The following CLPB variants were observed in gnomAD, a reference collection of about 807,000 sequenced individuals.
CLPB encodes ClpB family mitochondrial disaggregase, also known as mitochondrial disaggregase.
CLPB carries 40 observed loss-of-function variants against 78.4 expected under a neutral mutation model. The observed-to-expected ratio is 0.51, with a 90% CI of 0.40 to 0.66. CLPB has a LOEUF of 0.66. Ranked by LOEUF, CLPB falls within the 30% of genes least tolerant of loss-of-function variation. The pLI is 0.00. For missense variants in CLPB, 780 were observed against 886.9 expected (o/e 0.88, Z 1.53); for synonymous variants, 333 against 348.0 (o/e 0.96, Z 0.48).
At chr11:72,364,061 A>T (rs574808742) in intron 4 of CLPB, among the ~76,000 whole-genome samples, 1 of 152,166 alleles carries the variant, frequency 6.6e-6, no homozygotes, top group East Asian at 1.9e-4. Flanking sequence ...AGTTGTCTAC[A>T]ACCCACCAGA....
chr11:72,315,009 G>A (rs1223523215), intron 7 of CLPB, among the ~76,000 whole-genome samples: 1 of 152,172 alleles, frequency 6.6e-6, no homozygotes, highest in African/African-American at 2.4e-5. Flanking sequence ...CTAGGGGAAG[G>A]AAGGGAGGCA....
chr11:72,410,648 A>G (rs1276496508), intron 2 of CLPB: 1 of 152,228 alleles, frequency 6.6e-6, no homozygotes, highest in Non-Finnish European at 1.5e-5. Flanking sequence ...AGGATAGATA[A>G]ATGAACTGTC....
At chr11:72,383,398 G>C (rs1175425994) in intron 3 of CLPB, among the ~76,000 whole-genome samples, 1 of 151,650 alleles carries the variant, frequency 6.6e-6, no homozygotes, top group Non-Finnish European at 1.5e-5. Flanking sequence ...AGGCGTGGTG[G>C]CGGGCGCCTG....
intron 5 of CLPB, among the ~76,000 whole-genome samples, chr11:72,341,365 G>A (rs1269283467): frequency 3.3e-5 from 5 of 152,164 alleles, no homozygotes; most frequent in Non-Finnish European, 7.3e-5. Context: ...GAGGAAGAGG[G>A]TGTGTAAGGA....
chr11:72,297,702 T>TGTGAGA (rs1464583884), intron 11 of CLPB, among the ~76,000 whole-genome samples: 17 of 129,754 alleles, frequency 1.3e-4, no homozygotes, highest in South Asian at 2.6e-4. Flanking sequence ...TGTGTGTGTG[T>TGTGAGA]GACATGTCCA....
At chr11:72,360,914 C>T (rs766444881) in intron 4 of CLPB, among the ~76,000 whole-genome samples, 1 of 152,192 alleles carries the variant, frequency 6.6e-6, no homozygotes, top group Non-Finnish European at 1.5e-5. Flanking sequence ...CCCACTGTTT[C>T]TCACATATCA....
rs572264196 is a variant in CLPB at position 72,356,336 on chromosome 11, T to C, written c.775+2544A>G. Among the ~76,000 whole-genome samples the C allele has an allele frequency of 2.0e-5, 3 of 151,090 alleles. No individual in the cohort carries two copies. In the South Asian group the frequency reaches 6.3e-4, roughly 32 times the overall value. Reference sequence around the variant, plus strand: ...GGCAGGAAGGTAGGCTCCCTTGCCTTTCCTGAAACCCTTTGGAGAGGGTCA... The same window carrying C: ...GGCAGGAAGGTAGGCTCCCTTGCCTCTCCTGAAACCCTTTGGAGAGGGTCA... On this transcript the variant is annotated intron_variant, in intron 5 of 15. Coordinates refer to ENST00000538039, the MANE Select transcript of CLPB (RefSeq NM_001258392.3).
intron 12 of CLPB, among the ~76,000 whole-genome samples, chr11:72,295,236 G>A (rs1949529166): frequency 6.6e-6 from 1 of 152,186 alleles, no homozygotes; most frequent in Non-Finnish European, 1.5e-5. Context: ...CCCCACCCTG[G>A]TGTAGCTCTG....
intron 3 of CLPB, among the ~76,000 whole-genome samples, chr11:72,401,220 A>G (rs541639256): frequency 2.6e-5 from 4 of 152,274 alleles, no homozygotes; most frequent in Non-Finnish European, 5.9e-5. Flanking sequence ...CGGGTGGATC[A>G]CAAGGTCAGG....
intron 5 of CLPB, among the ~76,000 whole-genome samples, chr11:72,352,092 T>C (rs545497039): frequency 8.2e-4 from 125 of 152,264 alleles, no homozygotes; most frequent in African/African-American, 2.9e-3. Context: ...TGCCACTGAT[T>C]AGTTTTCTCT....
At chr11:72,349,533 G>A (rs983746835) in intron 5 of CLPB, among the ~76,000 whole-genome samples, 2 of 152,136 alleles carry the variant, frequency 1.3e-5, no homozygotes, top group Non-Finnish European at 2.9e-5. Flanking sequence ...TGAATGCTAG[G>A]AGCAAACTCC....
intron 1 of CLPB, among the ~76,000 whole-genome samples, chr11:72,431,279 TG>T (rs1463013207): frequency 6.6e-6 from 1 of 152,198 alleles, no homozygotes; most frequent in African/African-American, 2.4e-5. Flanking sequence ...GTGCCCAGCC[TG>T]GTTCTGAGCT....
intron 2 of CLPB, among the ~76,000 whole-genome samples, chr11:72,407,651 T>A (rs1000766028): frequency 6.8e-6 from 1 of 147,266 alleles, no homozygotes; most frequent in African/African-American, 2.5e-5. Flanking sequence ...CACCTACTAT[T>A]TTTTTTTTTT....
intron 7 of CLPB, among the ~76,000 whole-genome samples, chr11:72,311,652 C>T (rs1176755999): frequency 6.6e-6 from 1 of 152,224 alleles, no homozygotes; most frequent in Non-Finnish European, 1.5e-5. Flanking sequence ...ACCCTGACTC[C>T]TTGGAAAACG....
In CLPB at chr11:72,426,631, G is replaced by A. The variant is rs537273944; in HGVS notation, c.455+3681C>T. ...AGCCAAGGGGAGTGTGAAAGCCTCT[G>A]GACTGCTTACTTCAGGTACACTGAA... On this transcript the variant is annotated intron_variant, in intron 2 of 15. Coordinates refer to ENST00000538039, the MANE Select transcript of CLPB (RefSeq NM_001258392.3). 3.3e-5 allele frequency among the ~76,000 whole-genome samples: 5 copies of A among 152,252 alleles called. No individual in the cohort carries two copies. In the South Asian group the frequency reaches 8.3e-4, roughly 25 times the overall value.
chr11:72,299,465 T>C (rs1590760995), intron 11 of CLPB, among the ~76,000 whole-genome samples: 1 of 152,174 alleles, frequency 6.6e-6, no homozygotes, highest in East Asian at 1.9e-4. Flanking sequence ...ACTCTGTCCT[T>C]GTTTTCCCTC....
At chr11:72,386,380 T>A (rs1211932077) in intron 3 of CLPB, among the ~76,000 whole-genome samples, 1 of 152,210 alleles carries the variant, frequency 6.6e-6, no homozygotes, top group Non-Finnish European at 1.5e-5. Flanking sequence ...CAAGCAGAAG[T>A]GGTAAGCATT....
chr11:72,323,739 T>C (rs967089539), intron 6 of CLPB, among the ~76,000 whole-genome samples: 9 of 152,198 alleles, frequency 5.9e-5, no homozygotes, highest in Non-Finnish European at 7.3e-5. Flanking sequence ...ATTTTGAAAC[T>C]GTCTTTTCTT....
At chr11:72,333,816 A>C (rs1590808110) in intron 5 of CLPB, among the ~76,000 whole-genome samples, 1 of 152,190 alleles carries the variant, frequency 6.6e-6, no homozygotes, top group Non-Finnish European at 1.5e-5. Context: ...GCAAGGGCTG[A>C]GGAGCCAGTG....
Sources: allele counts gnomAD v4.1 joint callset (sites outside exome capture counted in the v4.1 genomes callset), GRCh38; gene constraint gnomAD v4.1.1; transcripts MANE v1.5; gene names NCBI Gene and HGNC (gene_info 2026-07-23, HGNC 2026-07-21).